Variants in NLGN3 observed in about 807,000 individuals in gnomAD.
NLGN3 encodes neuroligin-3.
In NLGN3, 11 loss-of-function variants were observed where a neutral mutation model predicts 42.9. The observed-to-expected ratio is 0.26, with a 90% CI of 0.16 to 0.42. The LOEUF (loss-of-function observed/expected upper bound fraction) is 0.42, where lower values mean the gene tolerates loss of function less well. Ranked by LOEUF, NLGN3 falls within the 10% of genes least tolerant of loss-of-function variation. The pLI is 1.00. For missense variants in NLGN3, 374 were observed against 733.8 expected, an observed-to-expected ratio of 0.51 and a Z score of 5.67; for synonymous variants, 279 against 312.7, an observed-to-expected ratio of 0.89 and a Z score of 1.14.
At chrX:71,150,222 G>A (rs1052340224) in intron 3 of NLGN3, among the ~76,000 whole-genome samples, 3 of 111,712 alleles carry the variant, frequency 2.7e-5, no homozygotes, top group Non-Finnish European at 5.6e-5. Flanking sequence ...TCATGGTGCT[G>A]CAGAAAGAGT....
intron 6 of NLGN3, among the ~76,000 whole-genome samples, chrX:71,164,572 C>T (rs1356305339): frequency 8.9e-6 from 1 of 112,290 alleles, no homozygotes; most frequent in Non-Finnish European, 1.9e-5. Context: ...ATGTGGGAGT[C>T]TTATTTTGGG....
In NLGN3 at chrX:71,171,160, G is replaced by A; in HGVS notation, c.*1063G>A. The A allele has an allele frequency of 1.3e-6, 1 of 752,117 alleles. No individual in the cohort carries two copies. The highest frequency in any genetic ancestry group is 1.6e-6 in the Non-Finnish European group (1 of 638,465). The allele number at this position is 752,117 out of a possible 1,213,427, so 62.0% of individuals were successfully genotyped here. On this transcript the variant is annotated 3_prime_UTR_variant, in exon 8 of 8. Transcript: ENST00000358741. The stretch of plus-strand genomic sequence containing the variant: ...GTCCTTTGTAAAAATTTTAAACACA[G>A]TGTCTTGATATAAAAATAAAAAATC...
In NLGN3 at chrX:71,170,010, G is replaced by A; in HGVS notation, c.2460G>A (p.Gly820=). The A allele has an allele frequency of 8.3e-7, 1 of 1,209,620 alleles. No homozygotes were observed. Among genetic ancestry groups the A allele is most frequent in the Non-Finnish European group, 1.1e-6 (1 of 894,647 alleles). The change falls in exon 8 of 8, where the codon GGG becomes GGA. Residue 820 remains glycine, a synonymous_variant. Coordinates refer to ENST00000358741, the MANE Select transcript of NLGN3 (RefSeq NM_181303.2). The part of the protein sequence containing the change: ...TITMIPNSLV[G]LQTLHPYNTF... ...CTATGATCCCCAACTCCCTGGTAGGGCTGCAGACATTGCACCCCTATAACA... is the reference window on the plus strand; with the variant it reads ...CTATGATCCCCAACTCCCTGGTAGGACTGCAGACATTGCACCCCTATAACA...
At chrX:71,168,873 A>G (rs867089570) in intron 7 of NLGN3, among the ~76,000 whole-genome samples, 3 of 71,980 alleles carry the variant, frequency 4.2e-5, no homozygotes, top group East Asian at 3.7e-4. Flanking sequence ...AAGAAAGAGA[A>G]AGAAAAGAAA....
chrX:71,148,710 C>A, intron 2 of NLGN3, 136 bp from the exon 3 acceptor site: 1 of 506,226 alleles, frequency 2.0e-6, no homozygotes, highest in Non-Finnish European at 3.2e-6. Context: ...GTGACAGAAA[C>A]AAGGAGATGG....
At chrX:71,171,605 G>C, downstream of NLGN3, 2 of 679,385 alleles carry the variant, frequency 2.9e-6, no homozygotes, top group Non-Finnish European at 3.5e-6. Context: ...GGGCTGGGAG[G>C]AGGTTTGACC....
chrX:71,164,098 C>A, intron 5 of NLGN3, 45 bp from the exon 6 acceptor site: 1 of 1,176,986 alleles, frequency 8.5e-7, no homozygotes, highest in Non-Finnish European at 1.2e-6. Flanking sequence ...CCCAAATCCT[C>A]CATCCCTCTG....
chrX:71,148,751 C>T, intron 2 of NLGN3, 95 bp from the exon 3 acceptor site: 1 of 734,837 alleles, frequency 1.4e-6, no homozygotes, highest in South Asian at 3.3e-5. Context: ...GTGCCGCCTG[C>T]AGAGCAGCTC....
chrX:71,149,015 G>A (rs1299366018), intron 3 of NLGN3, 110 bp downstream of exon 3: 4 of 457,588 alleles, frequency 8.7e-6, no homozygotes, highest in African/African-American at 2.6e-5. Flanking sequence ...GGCTCAGGGG[G>A]CAGTAAGCAG....
chrX:71,169,195 C>A, intron 7 of NLGN3, 59 bp from the exon 8 acceptor site: 1 of 1,167,768 alleles, frequency 8.6e-7, no homozygotes, highest in Non-Finnish European at 1.2e-6. Context: ...AGGAAAAATG[C>A]TGGGCCTTTT....
At chrX:71,172,645 T>C (rs1428349173), downstream of NLGN3, among the ~76,000 whole-genome samples, 1 of 109,984 alleles carries the variant, frequency 9.1e-6, no homozygotes, top group Admixed American at 9.8e-5. Flanking sequence ...TGTGTGTGTG[T>C]GTGTGTGTGT....
intron 5 of NLGN3, among the ~76,000 whole-genome samples, chrX:71,157,591 TG>T (rs2092414410): frequency 9.0e-6 from 1 of 111,301 alleles, no homozygotes; most frequent in Non-Finnish European, 1.9e-5. Context: ...CCCAAAGTGC[TG>T]GGATTACAGG....
At chrX:71,162,608 G>A (rs142960893) in intron 5 of NLGN3, among the ~76,000 whole-genome samples, 441 of 112,192 alleles carry the variant, frequency 3.9e-3, no homozygotes, top group Middle Eastern at 9.2e-3. Context: ...ACTAGGGCCC[G>A]GGAGAAATAA....
chrX:71,154,883 T>C, intron 4 of NLGN3, among the ~76,000 whole-genome samples: 1 of 112,224 alleles, frequency 8.9e-6, no homozygotes, highest in East Asian at 2.8e-4. Flanking sequence ...TCACTTGATG[T>C]GGCTAAAGGA....
At chrX:71,171,236 C>T, downstream of NLGN3, 2 of 751,912 alleles carry the variant, frequency 2.7e-6, no homozygotes, top group Non-Finnish European at 3.1e-6. Flanking sequence ...CCCCAACAGA[C>T]CTCCGAACAG....
In NLGN3 at chrX:71,170,414, G is replaced by T; in HGVS notation, c.*317G>T. ...CCTGAATCTGACCACAGACACTCCT[G>T]GGGGGCCTGAAAGCAACAGCTGGAC... On this transcript the variant is annotated 3_prime_UTR_variant, in exon 8 of 8. Coordinates refer to ENST00000358741, the MANE Select transcript of NLGN3 (RefSeq NM_181303.2). The T allele has an allele frequency of 1.0e-6, 1 of 958,699 alleles. No individual in the cohort carries two copies. Among genetic ancestry groups the T allele is most frequent in the Non-Finnish European group, 1.3e-6 (1 of 762,092 alleles). 79.0% of individuals were successfully genotyped at this position (958,699 alleles called of 1,213,427 possible).
chrX:71,151,272 G>A (rs2092390488), intron 3 of NLGN3, among the ~76,000 whole-genome samples: 1 of 109,249 alleles, frequency 9.2e-6, no homozygotes, highest in South Asian at 4.0e-4. Context: ...TGGTGCCATC[G>A]CACTCCAGCC....
At chrX:71,160,298 C>T (rs1340597950) in intron 5 of NLGN3, among the ~76,000 whole-genome samples, 1 of 106,495 alleles carries the variant, frequency 9.4e-6, no homozygotes, top group Non-Finnish European at 1.9e-5. Context: ...CTCACTACAA[C>T]CTCCGCCTCC....
chrX:71,162,477 G>A (rs1272330434), intron 5 of NLGN3, among the ~76,000 whole-genome samples: 5 of 111,386 alleles, frequency 4.5e-5, no homozygotes, highest in African/African-American at 6.5e-5. Flanking sequence ...AATGGGCCAC[G>A]CAAAGGAAAA....
Sources: allele counts gnomAD v4.1 joint callset (sites outside exome capture counted in the v4.1 genomes callset), GRCh38; gene constraint gnomAD v4.1.1; transcripts MANE v1.5; gene names NCBI Gene and HGNC (gene_info 2026-07-23, HGNC 2026-07-21).